NDST4: variants seen among roughly 807,000 people sequenced by gnomAD.
NDST4 encodes the protein N-deacetylase and N-sulfotransferase 4.
NDST4 carries 63 observed loss-of-function variants against 100.8 expected under a neutral mutation model. That is an observed-to-expected ratio of 0.62 (90% CI 0.51 to 0.77). The LOEUF (loss-of-function observed/expected upper bound fraction) is 0.77, where lower values mean the gene tolerates loss of function less well. Ranked by LOEUF, NDST4 falls within the 30% of genes least tolerant of loss-of-function variation. The probability of loss-of-function intolerance (pLI) is 0.00; values close to 1 mark genes in which losing one functional copy is unlikely to be tolerated. For synonymous variants in NDST4, 377 were observed against 361.8 expected (o/e 1.04, Z -0.48); for missense variants, 943 against 1,018.4 (o/e 0.93, Z 1.01).
rs1553955185 is a variant in NDST4 at position 114,933,432 on chromosome 4, C to CTTTTTTTTTTTTTTTTTTCCTTTT, written c.1536+1773_1536+1774insAAAAGGAAAAAAAAAAAAAAAAAA. On this transcript the variant is annotated intron_variant, in intron 6 of 13. Transcript: ENST00000264363. Reference sequence around the variant, plus strand: ...GACTGGGAATTGATTTTTTCTTTTCCTTTTTTTTTTTTTTTTTTTTTTGTG... The same window carrying CTTTTTTTTTTTTTTTTTTCCTTTT: ...GACTGGGAATTGATTTTTTCTTTTCCTTTTTTTTTTTTTTTTTTCCTTTTTTTTTTTTTTTTTTTTTTTTTTGTG... Among the ~76,000 whole-genome samples, 95 of 89,234 alleles carry CTTTTTTTTTTTTTTTTTTCCTTTT rather than the reference C, an allele frequency of 1.1e-3. 1 individual carries two copies. The East Asian group carries it at 0.011, about 10-fold the overall frequency. The allele number at this position is 89,234 out of a possible 152,430, so 58.5% of individuals were successfully genotyped here.
rs1394920411 is a variant in NDST4 at position 115,071,280 on chromosome 4, AC to A, written c.978+4778del. On this transcript the variant is annotated intron_variant, in intron 2 of 13. Coordinates refer to ENST00000264363, the MANE Select transcript of NDST4 (RefSeq NM_022569.3). ...GGTTCAAATGAAAGTATGCCTTCACACACACACACACACACACACACACACA... is the reference window on the plus strand; with the variant it reads ...GGTTCAAATGAAAGTATGCCTTCACAACACACACACACACACACACACACA... Among the ~76,000 whole-genome samples the A allele has an allele frequency of 1.6e-4, 4 of 24,374 alleles. No homozygotes were observed. In the South Asian group the frequency reaches 1.7e-3, roughly 10 times the overall value. The allele number at this position is 24,374 out of a possible 152,430, so 16.0% of individuals were successfully genotyped here. A position where few individuals can be genotyped will look rare whatever the true frequency, so the allele number is the denominator to read the frequency against.
intron 4 of NDST4, among the ~76,000 whole-genome samples, chr4:114,952,516 T>C (rs1726038835): frequency 6.6e-6 from 1 of 152,094 alleles, no homozygotes. Flanking sequence ...GGACTTACCA[T>C]GATATAACAC....
At chr4:115,025,982 G>C (rs543875371) in intron 2 of NDST4, among the ~76,000 whole-genome samples, 1 of 152,162 alleles carries the variant, frequency 6.6e-6, no homozygotes, top group African/African-American at 2.4e-5. Flanking sequence ...CGTTGAACTA[G>C]TATTATAGTC....
intron 2 of NDST4, among the ~76,000 whole-genome samples, chr4:114,988,190 CT>C (rs1462329538): frequency 6.6e-6 from 1 of 151,578 alleles, no homozygotes; most frequent in African/African-American, 2.4e-5. Context: ...CTTATTCTTG[CT>C]GAGAAATCAT....
At chr4:115,019,302 T>C (rs773461226) in intron 2 of NDST4, among the ~76,000 whole-genome samples, 40 of 152,100 alleles carry the variant, frequency 2.6e-4, no homozygotes, top group Non-Finnish European at 4.7e-4. Flanking sequence ...AAGACACAAG[T>C]TCCTCTAAAC....
intron 6 of NDST4, among the ~76,000 whole-genome samples, chr4:114,926,692 A>G (rs1300219245): frequency 6.6e-6 from 1 of 152,120 alleles, no homozygotes; most frequent in Non-Finnish European, 1.5e-5. Flanking sequence ...ATAAAGAAAC[A>G]ATACTGGCTT....
chr4:115,069,588 AAAACC>A (rs1729028460), intron 2 of NDST4, among the ~76,000 whole-genome samples: 1 of 152,228 alleles, frequency 6.6e-6, no homozygotes, highest in Non-Finnish European at 1.5e-5. Context: ...AATGCAAATC[AAAACC>A]ACAATGAGAT....
At chr4:114,856,631 G>A (rs551807633) in intron 7 of NDST4, among the ~76,000 whole-genome samples, 1 of 152,124 alleles carries the variant, frequency 6.6e-6, no homozygotes, top group Non-Finnish European at 1.5e-5. Flanking sequence ...ATTAAGAAAT[G>A]CTTAGGCCGA....
At chr4:115,035,824 C>T (rs1350502176) in intron 2 of NDST4, among the ~76,000 whole-genome samples, 2 of 151,936 alleles carry the variant, frequency 1.3e-5, no homozygotes, top group Non-Finnish European at 2.9e-5. Context: ...CTACTTCTTC[C>T]TTTCTTGGCT....
intron 1 of NDST4, among the ~76,000 whole-genome samples, chr4:115,108,288 C>T (rs1340294382): frequency 6.6e-6 from 1 of 151,948 alleles, no homozygotes; most frequent in Non-Finnish European, 1.5e-5. Context: ...GCATGAAAGA[C>T]TATTCAATAC....
At chr4:114,989,980 C>G (rs1727002042) in intron 2 of NDST4, among the ~76,000 whole-genome samples, 1 of 152,104 alleles carries the variant, frequency 6.6e-6, no homozygotes, top group African/African-American at 2.4e-5. Flanking sequence ...GAGTTGACTT[C>G]ATCGGCATAA....
chr4:114,869,015 T>G (rs1467170049), intron 7 of NDST4, among the ~76,000 whole-genome samples: 1 of 150,580 alleles, frequency 6.6e-6, no homozygotes, highest in Non-Finnish European at 1.5e-5. Context: ...AATAATCCCA[T>G]ATTTTAATTT....
At chr4:114,866,023 T>C (rs886854473) in intron 7 of NDST4, among the ~76,000 whole-genome samples, 1 of 152,216 alleles carries the variant, frequency 6.6e-6, no homozygotes. Flanking sequence ...AAGATAATAA[T>C]GAAATCTGTC....
intron 6 of NDST4, among the ~76,000 whole-genome samples, chr4:114,921,163 C>T (rs1240911301): frequency 2.0e-5 from 3 of 152,008 alleles, no homozygotes; most frequent in African/African-American, 4.8e-5. Context: ...GAAACAAAAA[C>T]GTTTGCCAAA....
intron 10 of NDST4, among the ~76,000 whole-genome samples, chr4:114,840,329 G>T (rs112937037): frequency 6.6e-4 from 100 of 152,218 alleles, no homozygotes; most frequent in African/African-American, 2.4e-3. Context: ...AATTTAACAA[G>T]CATTATTTAA....
chr4:114,888,193 C>A (rs761797578), intron 6 of NDST4, among the ~76,000 whole-genome samples: 4 of 151,560 alleles, frequency 2.6e-5, no homozygotes, highest in Non-Finnish European at 2.9e-5. Flanking sequence ...CAGAAGGAGA[C>A]TCTATCTCAA....
chr4:114,908,085 A>G (rs961682360), intron 6 of NDST4, among the ~76,000 whole-genome samples: 3 of 152,184 alleles, frequency 2.0e-5, no homozygotes, highest in Non-Finnish European at 2.9e-5. Context: ...GGTAAGAAAT[A>G]TTCAACAACA....
intron 4 of NDST4, among the ~76,000 whole-genome samples, chr4:114,967,136 G>C (rs1200141452): frequency 6.6e-6 from 1 of 151,958 alleles, no homozygotes; most frequent in African/African-American, 2.4e-5. Context: ...ATATCTCTTG[G>C]CTCTCTGGAT....
At chr4:115,069,995 C>T (rs552525323) in intron 2 of NDST4, among the ~76,000 whole-genome samples, 41 of 152,266 alleles carry the variant, frequency 2.7e-4, no homozygotes, top group African/African-American at 9.6e-4. Flanking sequence ...AGTCCAACCA[C>T]TGGGGAAGAC....
Sources: allele counts gnomAD v4.1 joint callset (sites outside exome capture counted in the v4.1 genomes callset), GRCh38; gene constraint gnomAD v4.1.1; transcripts MANE v1.5; gene names NCBI Gene and HGNC (gene_info 2026-07-23, HGNC 2026-07-21).